MED9: variants seen among roughly 807,000 people sequenced by gnomAD.
MED9 encodes the protein mediator of RNA polymerase II transcription subunit 9.
A neutral mutation model predicts 13.2 loss-of-function variants in MED9; 8 were observed. The observed-to-expected ratio is 0.61, with a 90% CI of 0.36 to 1.10. The LOEUF (loss-of-function observed/expected upper bound fraction) is 1.10, where lower values mean the gene tolerates loss of function less well. MED9 is among the 50% of genes least tolerant of loss of function. The probability of loss-of-function intolerance (pLI) is 0.02; values close to 1 mark genes in which losing one functional copy is unlikely to be tolerated. For synonymous variants in MED9, 87 were observed against 82.8 expected (o/e 1.05, Z -0.28); for missense variants, 180 against 193.4 (o/e 0.93, Z 0.41).
chr17:17,486,058 G>GT (rs66759916), intron 1 of MED9: 80,972 of 149,828 alleles, frequency 0.54, 25,321 homozygotes, highest in Non-Finnish European at 0.73. Flanking sequence ...CATCAGTACA[G>GT]TTTTTTTTTT....
Position 17,491,624 on chromosome 17 carries a change from T to C in MED9, c.*129T>C, listed in dbSNP as rs2142478878. 4 of 916,272 alleles carry C rather than the reference T, an allele frequency of 4.4e-6. No homozygotes were observed. Among genetic ancestry groups the C allele is most frequent in the Non-Finnish European group, 6.7e-6 (4 of 599,516 alleles). 56.8% of individuals were successfully genotyped at this position (916,272 alleles called of 1,614,324 possible). A position where few individuals can be genotyped will look rare whatever the true frequency, so the allele number is the denominator to read the frequency against. On this transcript the variant is annotated 3_prime_UTR_variant, in exon 2 of 2. Coordinates refer to ENST00000268711, the MANE Select transcript of MED9 (RefSeq NM_018019.3). ...GCTCGTCAAGCTGCAGGGGCGGGGC[T>C]CCTGTGCTGCTGCGCGCGCTTCGCC...
At chr17:17,479,384 T>G (rs1443835198) in intron 1 of MED9, among the ~76,000 whole-genome samples, 1 of 152,186 alleles carries the variant, frequency 6.6e-6, no homozygotes. Context: ...TCTGAGCCTG[T>G]TTTTCTCTTG....
At position 17,478,848 on chromosome 17, in the gene MED9, ACT is replaced by A. The variant is rs1192085287; in HGVS notation, c.224+1586_224+1587del. Among the ~76,000 whole-genome samples, 4 of 150,614 alleles carry A rather than the reference ACT, an allele frequency of 2.7e-5. No homozygotes were observed. In the East Asian group the frequency reaches 7.8e-4, roughly 29 times the overall value. On this transcript the variant is annotated intron_variant, in intron 1 of 1. Coordinates refer to ENST00000268711, the MANE Select transcript of MED9 (RefSeq NM_018019.3). Reference sequence around the variant, plus strand: ...CTCCAGCCTGGGCAACAAGAGCAAGACTCTGCCTCAAAAAAAAAAAAAAAGTA... The same window carrying A: ...CTCCAGCCTGGGCAACAAGAGCAAGACTGCCTCAAAAAAAAAAAAAAAGTA...
intron 1 of MED9, among the ~76,000 whole-genome samples, chr17:17,480,226 G>A (rs1905008808): frequency 6.6e-6 from 1 of 152,090 alleles, no homozygotes; most frequent in Non-Finnish European, 1.5e-5. Context: ...TTAAGAGAAA[G>A]TTCACAGTCT....
Position 17,477,280 on chromosome 17 carries a change from G to T in MED9, c.224+15G>T. 1.9e-6 allele frequency: 3 copies of T among 1,569,716 alleles called. No individual in the cohort carries two copies. The highest frequency in any genetic ancestry group is 2.6e-6 in the Non-Finnish European group (3 of 1,155,352). ...ATCATCAAATGGTAAGAACCTAGGA[G>T]AGGACCAGGCCCCATACTCCCTCCA... On this transcript the variant is annotated intron_variant, in intron 1 of 1. Coordinates refer to ENST00000268711, the MANE Select transcript of MED9 (RefSeq NM_018019.3).
Position 17,477,120 on chromosome 17 carries a change from A to G in MED9, c.79A>G (p.Thr27Ala). ...PPTSDQPLPD[T>A]KPLPPPQPPP... ...AACGTCCGACCAGCCGCTGCCTGAC[A>G]CCAAGCCGCTGCCGCCTCCTCAGCC... is the stretch of plus-strand genomic sequence containing the variant. The change falls in exon 1 of 2, where the codon ACC becomes GCC. Residue 27 changes from threonine (T) to alanine (A), a missense_variant. Physicochemically the swap from Thr to Ala is moderately conservative, Grantham distance 58. Transcript: ENST00000268711. 6.2e-7 allele frequency: 1 copy of G among 1,605,816 alleles called. No individual in the cohort carries two copies. Among genetic ancestry groups the G allele is most frequent in the Non-Finnish European group, 8.5e-7 (1 of 1,177,836 alleles).
intron 1 of MED9, among the ~76,000 whole-genome samples, chr17:17,490,992 A>G (rs1392667426): frequency 6.6e-6 from 1 of 152,206 alleles, no homozygotes; most frequent in African/African-American, 2.4e-5. Flanking sequence ...ACCTGTGACC[A>G]GGCAGACATG....
chr17:17,480,673 A>G (rs1905017904), intron 1 of MED9, among the ~76,000 whole-genome samples: 1 of 152,154 alleles, frequency 6.6e-6, no homozygotes, highest in South Asian at 2.1e-4. Flanking sequence ...AAAGAAAGAG[A>G]GGAGACAGAG....
At position 17,477,363 on chromosome 17, in the gene MED9, C is replaced by A. The variant is rs114377200; in HGVS notation, c.224+98C>A. The A allele has an allele frequency of 2.4e-3, 3,164 of 1,332,058 alleles. 55 individuals are homozygous for A. In the African/African-American group the frequency reaches 0.039, roughly 16 times the overall value. 82.5% of individuals were successfully genotyped at this position (1,332,058 alleles called of 1,614,324 possible). A position where few individuals can be genotyped will look rare whatever the true frequency, so the allele number is the denominator to read the frequency against. On this transcript the variant is annotated intron_variant, in intron 1 of 1. Coordinates refer to ENST00000268711, the MANE Select transcript of MED9 (RefSeq NM_018019.3). Reference sequence around the variant, plus strand: ...AGGCCTTGGCGCTCTGGGGCACGCCCCCGTTTCACAGATGGGGAAACTCAG... The same window carrying A: ...AGGCCTTGGCGCTCTGGGGCACGCCACCGTTTCACAGATGGGGAAACTCAG...
chr17:17,477,386 C>A, intron 1 of MED9, 121 bp downstream of exon 1: 1 of 1,146,438 alleles, frequency 8.7e-7, no homozygotes, highest in East Asian at 2.5e-5. Context: ...TGGGGAAACT[C>A]AGACCCAGAG....
At chr17:17,490,376 A>G (rs879360246) in intron 1 of MED9, among the ~76,000 whole-genome samples, 18 of 152,198 alleles carry the variant, frequency 1.2e-4, no homozygotes, top group Admixed American at 2.6e-4. Context: ...CGGGAGGTGG[A>G]GGTTGCAGTG....
rs780864550 is a variant in MED9 at position 17,477,167 on chromosome 17, A to C, written c.126A>C (p.Gln42His). 1 of 1,609,770 alleles carries C rather than the reference A, an allele frequency of 6.2e-7. No homozygotes were observed. The highest frequency in any genetic ancestry group is 1.7e-5 in the Admixed American group (1 of 59,738). The change falls in exon 1 of 2, where the codon CAA becomes CAC. Residue 42 changes from glutamine to histidine, a missense_variant. Physicochemically the swap from Gln to His is conservative, Grantham distance 24. Transcript: ENST00000268711. ...AGCCGCCGCCGGTCCCTGCGCCTCA[A>C]CCGCAGCAGTCGCCGGCGCCACGGC... ...PPQPPPVPAP[Q>H]PQQSPAPRPQ...
chr17:17,478,630 C>T (rs540450347), intron 1 of MED9, among the ~76,000 whole-genome samples: 13 of 152,250 alleles, frequency 8.5e-5, no homozygotes, highest in Non-Finnish European at 1.3e-4. Flanking sequence ...GAGGCCAAGG[C>T]GGGCGGATCA....
chr17:17,487,959 A>G (rs1040880212), intron 1 of MED9: 3 of 152,270 alleles, frequency 2.0e-5, no homozygotes, highest in African/African-American at 7.2e-5. Flanking sequence ...GCCATCTGAA[A>G]CAGTGGACAC....
At chr17:17,478,662 G>A (rs1047292772) in intron 1 of MED9, among the ~76,000 whole-genome samples, 2 of 152,088 alleles carry the variant, frequency 1.3e-5, no homozygotes, top group Non-Finnish European at 2.9e-5. Flanking sequence ...TTTGAGACCA[G>A]CCTCGTCGAC....
chr17:17,481,438 C>T (rs751586137), intron 1 of MED9, among the ~76,000 whole-genome samples: 1 of 152,148 alleles, frequency 6.6e-6, no homozygotes, highest in Non-Finnish European at 1.5e-5. Flanking sequence ...TACAGAGAAA[C>T]GTAAAATGGA....
At chr17:17,489,497 ATATTT>A (rs1195467403) in intron 1 of MED9, among the ~76,000 whole-genome samples, 2 of 152,208 alleles carry the variant, frequency 1.3e-5, no homozygotes, top group African/African-American at 4.8e-5. Context: ...TTTAAAAACT[ATATTT>A]TAATTTTAAA....
At chr17:17,491,007 T>C (rs1430851845) in intron 1 of MED9, among the ~76,000 whole-genome samples, 1 of 152,210 alleles carries the variant, frequency 6.6e-6, no homozygotes, top group Non-Finnish European at 1.5e-5. Context: ...GACATGGTCC[T>C]TGACCTCAGA....
chr17:17,481,466 C>T (rs1001646388), intron 1 of MED9, among the ~76,000 whole-genome samples: 5 of 152,212 alleles, frequency 3.3e-5, no homozygotes, highest in Admixed American at 6.5e-5. Context: ...TTCCTTCCCC[C>T]AAGTCCCCTC....
Sources: gnomAD v4.1 joint callset for allele counts (sites outside exome capture counted in the v4.1 genomes callset) on GRCh38, gnomAD v4.1.1 for gene constraint, MANE v1.5 for transcripts, NCBI Gene and HGNC (gene_info 2026-07-23, HGNC 2026-07-21) for gene names.